IL1RN: variants seen among roughly 807,000 people sequenced by gnomAD.
IL1RN encodes interleukin-1 receptor antagonist protein.
A neutral mutation model predicts 13.7 loss-of-function variants in IL1RN; 10 were observed. The observed-to-expected ratio is 0.73, with a 90% CI of 0.45 to 1.24. IL1RN has a LOEUF of 1.24. Among genes scored for constraint, IL1RN ranks in the 50% most tolerant of loss-of-function variants. IL1RN has a pLI of 0.00. For missense variants in IL1RN, 213 were observed against 222.1 expected, an observed-to-expected ratio of 0.96 and a Z score of 0.26; for synonymous variants, 102 against 82.7, an observed-to-expected ratio of 1.23 and a Z score of -1.27.
chr2:113,123,470 T>C (rs1686849321), upstream of IL1RN, among the ~76,000 whole-genome samples: 1 of 152,200 alleles, frequency 6.6e-6, no homozygotes, highest in Non-Finnish European at 1.5e-5. Flanking sequence ...TTTGGAAATC[T>C]GGGTCAGCCT....
At chr2:113,124,273 A>T (rs1372386235), upstream of IL1RN, among the ~76,000 whole-genome samples, 1 of 152,162 alleles carries the variant, frequency 6.6e-6, no homozygotes, top group Admixed American at 6.5e-5. Context: ...CAGAACCGAG[A>T]ATAAGATTAG....
intron 2 of IL1RN, among the ~76,000 whole-genome samples, chr2:113,120,820 C>T (rs149802887): frequency 3.3e-4 from 50 of 152,272 alleles, no homozygotes; most frequent in African/African-American, 9.4e-4. Flanking sequence ...CTTATGTTAA[C>T]CATGCAATGA....
chr2:113,104,561 G>A (rs1686361057), upstream of IL1RN, among the ~76,000 whole-genome samples: 1 of 152,162 alleles, frequency 6.6e-6, no homozygotes, highest in Non-Finnish European at 1.5e-5. Flanking sequence ...CTGATGACTT[G>A]GAGTTGGAGT....
intron 1 of IL1RN, chr2:113,111,321 T>G (rs1686490036): frequency 6.6e-6 from 1 of 152,216 alleles, no homozygotes; most frequent in Non-Finnish European, 1.5e-5. Flanking sequence ...TGAACTGGCA[T>G]TTCCTGACTA....
At chr2:113,118,091 G>T (rs544313331) in intron 1 of IL1RN, 1 of 1,612,898 alleles carries the variant, frequency 6.2e-7, no homozygotes, top group South Asian at 1.1e-5. Flanking sequence ...TCTACAATTG[G>T]TGTTTATCAA....
upstream of IL1RN, among the ~76,000 whole-genome samples, chr2:113,116,031 CACTTT>C (rs1686585102): frequency 6.6e-6 from 1 of 152,212 alleles, no homozygotes; most frequent in Non-Finnish European, 1.5e-5. Flanking sequence ...ACATGCCAAG[CACTTT>C]ACAGTTGTTA....
At chr2:113,105,427 A>G (rs1686373202), upstream of IL1RN, among the ~76,000 whole-genome samples, 1 of 152,210 alleles carries the variant, frequency 6.6e-6, no homozygotes, top group African/African-American at 2.4e-5. Flanking sequence ...AAGATGTATC[A>G]GGGTAAATTT....
chr2:113,127,433 T>C (rs764962578), upstream of IL1RN: 13 of 1,381,696 alleles, frequency 9.4e-6, no homozygotes, highest in Non-Finnish European at 1.0e-5. Context: ...GTTACAACAC[T>C]CCATTGCGAC....
chr2:113,127,677 T>C lies in IL1RN; in HGVS notation c.53T>C (p.Leu18Pro). The C allele has an allele frequency of 1.2e-6, 2 of 1,614,118 alleles. No homozygotes were observed. The highest frequency in any genetic ancestry group is 1.7e-6 in the Non-Finnish European group (2 of 1,180,034). The change falls in exon 1 of 4, where the codon CTG becomes CCG. Residue 18 changes from leucine to proline, a missense_variant. Coordinates refer to ENST00000409930, the MANE Select transcript of IL1RN (RefSeq NM_173842.3). ...CACCTAATCACTCTCCTCCTCTTCC[T>C]GTTCCATTCAGAGACGATCTGCCGA... ...RSHLITLLLF[L>P]FHSETICRPS...
exon 1 of IL1RN, chr2:113,111,177 C>A (rs1686488370): frequency 6.6e-6 from 1 of 152,206 alleles, no homozygotes; most frequent in South Asian, 2.1e-4. Flanking sequence ...ATCTTGGCAG[C>A]AATTCTATGA....
upstream of IL1RN, chr2:113,117,782 A>C (rs1686629002): frequency 1.7e-6 from 1 of 600,754 alleles, no homozygotes; most frequent in East Asian, 2.7e-5. Flanking sequence ...CCTGCTTGGC[A>C]TCAAGTCAGC....
At chr2:113,114,430 T>C (rs1686554198), upstream of IL1RN, among the ~76,000 whole-genome samples, 1 of 152,120 alleles carries the variant, frequency 6.6e-6, no homozygotes, top group Non-Finnish European at 1.5e-5. Context: ...CAGTGAGCCA[T>C]GGCCTGGGGA....
rs772487664 is a variant in IL1RN, at chr2:113,132,885, T to C, written c.*14T>C. 1 of 1,611,912 alleles carries C rather than the reference T, an allele frequency of 6.2e-7. No individual in the cohort carries two copies. Among genetic ancestry groups the C allele is most frequent in the East Asian group, 2.2e-5 (1 of 44,874 alleles). On this transcript the variant is annotated 3_prime_UTR_variant, in exon 4 of 4. Transcript: ENST00000409930. ...GAGGACGAGTAGTACTGCCCAGGCC[T>C]GCCTGTTCCCATTCTTGCATGGCAA...
At chr2:113,124,210 C>T (rs1334901272), upstream of IL1RN, among the ~76,000 whole-genome samples, 1 of 152,066 alleles carries the variant, frequency 6.6e-6, no homozygotes, top group Non-Finnish European at 1.5e-5. Flanking sequence ...CTTTTATGTG[C>T]TATGGTCTTA....
the IL1RN span, among the ~76,000 whole-genome samples, chr2:113,101,195 TAA>T: frequency 6.6e-6 from 1 of 152,186 alleles, no homozygotes; most frequent in Non-Finnish European, 1.5e-5. Flanking sequence ...TCCAGACTGA[TAA>T]GAGTCTTAAA....
upstream of IL1RN, among the ~76,000 whole-genome samples, chr2:113,105,511 A>G (rs1307628617): frequency 1.3e-5 from 2 of 152,216 alleles, no homozygotes; most frequent in African/African-American, 4.8e-5. Flanking sequence ...CTCAAACAAT[A>G]TGGTCATCCA....
upstream of IL1RN, among the ~76,000 whole-genome samples, chr2:113,116,997 G>C (rs45462902): frequency 6.6e-6 from 1 of 152,212 alleles, no homozygotes; most frequent in Admixed American, 6.5e-5. Context: ...CCGGGACTTC[G>C]TCCTGCCCAG....
chr2:113,112,130 G>A (rs1194357681), intron 1 of IL1RN, among the ~76,000 whole-genome samples: 4 of 152,168 alleles, frequency 2.6e-5, no homozygotes, highest in Non-Finnish European at 4.4e-5. Context: ...GAATTCTGAC[G>A]CACTGCAAAA....
At chr2:113,131,594 G>C (rs913507553) in intron 3 of IL1RN, among the ~76,000 whole-genome samples, 2 of 152,050 alleles carry the variant, frequency 1.3e-5, no homozygotes, top group Non-Finnish European at 2.9e-5. Context: ...CGGTCACTGG[G>C]GGCCACCACT....
Sources: allele counts gnomAD v4.1 joint callset (sites outside exome capture counted in the v4.1 genomes callset), GRCh38; gene constraint gnomAD v4.1.1; transcripts MANE v1.5; gene names NCBI Gene and HGNC (gene_info 2026-07-23, HGNC 2026-07-21).